Variants in RAPGEF4 observed in about 807,000 individuals in gnomAD.
The protein encoded by RAPGEF4 is RAP guanine-nucleotide-exchange factor (GEF) 4.
In RAPGEF4, 66 loss-of-function variants were observed where a neutral mutation model predicts 147.9. The observed-to-expected ratio is 0.45, with a 90% CI of 0.37 to 0.55. RAPGEF4 has a LOEUF of 0.55. RAPGEF4 is among the 20% of genes least tolerant of loss of function. The pLI is 0.00. For missense variants in RAPGEF4, 1,071 were observed against 1,257.3 expected (o/e 0.85, Z 2.24); for synonymous variants, 419 against 442.7 (o/e 0.95, Z 0.67).
intron 6 of RAPGEF4, among the ~76,000 whole-genome samples, chr2:172,927,525 ACTT>A (rs896169158): frequency 6.2e-4 from 95 of 152,296 alleles, no homozygotes; most frequent in African/African-American, 2.0e-3. Flanking sequence ...AATCCTAACT[ACTT>A]GAGAGGCTGA....
rs1267757882 is a variant in RAPGEF4 at position 173,051,385 on chromosome 2, C to CT, written c.2909-255_2909-254insT. 4.9e-5 allele frequency among the ~76,000 whole-genome samples: 7 copies of CT among 143,718 alleles called. No individual in the cohort carries two copies. In the East Asian group the frequency reaches 1.5e-3, roughly 30 times the overall value. The allele number at this position is 143,718 out of a possible 152,430, so 94.3% of individuals were successfully genotyped here. ...ACATGCTTCCCTTTTAATTTGGTGCCATTTTTTTTTTACAACGTGCAATTC... is the reference window on the plus strand; with the variant it reads ...ACATGCTTCCCTTTTAATTTGGTGCCTATTTTTTTTTTACAACGTGCAATTC... On this transcript the variant is annotated intron_variant, in intron 30 of 30. Coordinates refer to ENST00000397081, the MANE Select transcript of RAPGEF4 (RefSeq NM_007023.4).
intron 1 of RAPGEF4, among the ~76,000 whole-genome samples, chr2:172,765,553 C>T (rs1339778598): frequency 6.6e-6 from 1 of 152,192 alleles, no homozygotes; most frequent in Non-Finnish European, 1.5e-5. Context: ...GGATCCAGAT[C>T]AACATGGTCC....
At chr2:172,904,799 T>TC (rs567672235) in intron 4 of RAPGEF4, among the ~76,000 whole-genome samples, 3 of 151,810 alleles carry the variant, frequency 2.0e-5, no homozygotes, top group Non-Finnish European at 4.4e-5. Flanking sequence ...AGGCCTGTCC[T>TC]CCCCTTCAGC....
At chr2:172,822,025 A>T in intron 4 of RAPGEF4, 1 of 1,596,876 alleles carries the variant, frequency 6.3e-7, no homozygotes, top group Non-Finnish European at 8.6e-7. Flanking sequence ...AGAGTGGGGA[A>T]ATACTACATG....
intron 4 of RAPGEF4, among the ~76,000 whole-genome samples, chr2:172,853,384 G>T (rs1338613277): frequency 6.6e-6 from 1 of 151,926 alleles, no homozygotes; most frequent in Admixed American, 6.6e-5. Flanking sequence ...GAAGGAATTT[G>T]TCTGTTTTAT....
chr2:172,793,114 G>A (rs962631118), intron 1 of RAPGEF4, among the ~76,000 whole-genome samples: 8 of 152,082 alleles, frequency 5.3e-5, no homozygotes, highest in African/African-American at 1.2e-4. Flanking sequence ...AGCAATCTTC[G>A]GCATTCCTTG....
At chr2:172,961,322 C>A in intron 8 of RAPGEF4, 94 bp downstream of exon 8, 1 of 1,015,226 alleles carries the variant, frequency 9.9e-7, no homozygotes, top group Non-Finnish European at 1.5e-6. Context: ...CATGTGGGCG[C>A]AGCCCATTTT....
rs143840841 is a variant in RAPGEF4 at position 172,886,098 on chromosome 2, G to C, written c.445-31704G>C. ...CACTCTTTTGTTTACCAGCTCCTAA[G>C]ATCTTTGAGGCTTAGTCCAGCCCAT... On this transcript the variant is annotated intron_variant, in intron 4 of 30. Transcript: ENST00000397081. Among the ~76,000 whole-genome samples, 985 of 152,250 alleles carry C rather than the reference G, an allele frequency of 6.5e-3. 3 individuals carry two copies. The highest frequency in any genetic ancestry group is 0.024 in the Middle Eastern group (7 of 294).
intron 3 of RAPGEF4, among the ~76,000 whole-genome samples, chr2:172,812,570 G>C (rs1688125901): frequency 6.6e-6 from 1 of 152,176 alleles, no homozygotes; most frequent in South Asian, 2.1e-4. Flanking sequence ...TGTCAGGGAT[G>C]GGAGGTGATA....
chr2:172,918,371 C>CCACACACACACACACACACACA (rs377074360), intron 5 of RAPGEF4, among the ~76,000 whole-genome samples: 4 of 137,638 alleles, frequency 2.9e-5, no homozygotes, highest in South Asian at 2.5e-4. Context: ...GATGCTCTTA[C>CCACACACACACACACACACACA]CACACACACA....
intron 4 of RAPGEF4, among the ~76,000 whole-genome samples, chr2:172,843,285 G>A (rs1386891020): frequency 2.0e-5 from 3 of 152,176 alleles, no homozygotes; most frequent in Non-Finnish European, 2.9e-5. Context: ...CAGTGATAAT[G>A]TCACTGTTAT....
chr2:172,914,015 G>A (rs895906534), intron 4 of RAPGEF4, among the ~76,000 whole-genome samples: 1 of 152,108 alleles, frequency 6.6e-6, no homozygotes, highest in Admixed American at 6.6e-5. Flanking sequence ...CCATGCTGTA[G>A]TTTGCTTTTT....
At chr2:172,758,979 A>AAAG in intron 1 of RAPGEF4, among the ~76,000 whole-genome samples, 1 of 152,228 alleles carries the variant, frequency 6.6e-6, no homozygotes. Context: ...GTAACTAGCA[A>AAAG]AAGAAGCTGC....
chr2:173,024,194 G>A (rs996146941), intron 23 of RAPGEF4, among the ~76,000 whole-genome samples: 3 of 150,006 alleles, frequency 2.0e-5, no homozygotes, highest in Admixed American at 6.8e-5. Flanking sequence ...TATTTGCATT[G>A]CTACAGCACT....
At chr2:173,011,188 A>ACACACACACACACACACACACACG (rs1559183077) in intron 17 of RAPGEF4, among the ~76,000 whole-genome samples, 1 of 151,820 alleles carries the variant, frequency 6.6e-6, no homozygotes, top group African/African-American at 2.4e-5. Context: ...ACACACACAC[A>ACACACACACACACACACACACACG]CACACACACA....
intron 14 of RAPGEF4, 61 bp downstream of exon 14, chr2:172,988,900 A>G (rs1202021180): frequency 1.3e-6 from 2 of 1,538,632 alleles, no homozygotes; most frequent in East Asian, 2.2e-5. Context: ...CTAAATAAGC[A>G]AAGCTTTGAG....
intron 29 of RAPGEF4, among the ~76,000 whole-genome samples, chr2:173,039,047 G>C (rs1684412694): frequency 6.6e-6 from 1 of 152,202 alleles, no homozygotes; most frequent in African/African-American, 2.4e-5. Context: ...TGCTCTCACA[G>C]AGTCCACTTT....
At chr2:172,814,711 C>T in intron 4 of RAPGEF4, 1 of 403,580 alleles carries the variant, frequency 2.5e-6, no homozygotes, top group Non-Finnish European at 4.7e-6. Context: ...TTTCTCCCTT[C>T]TTTTCCACAG....
At chr2:172,985,308 A>T (rs1462166829) in intron 11 of RAPGEF4, 125 bp from the exon 12 acceptor site, 1 of 1,264,806 alleles carries the variant, frequency 7.9e-7, no homozygotes, top group Non-Finnish European at 1.1e-6. Context: ...GCAGCAAGAG[A>T]GGTGAGAGAT....
Sources: gnomAD v4.1 joint callset for allele counts (sites outside exome capture counted in the v4.1 genomes callset) on GRCh38, gnomAD v4.1.1 for gene constraint, MANE v1.5 for transcripts, NCBI Gene and HGNC (gene_info 2026-07-23, HGNC 2026-07-21) for gene names.